Variants in DLG2 observed in about 807,000 individuals in gnomAD.
DLG2 encodes the protein disks large homolog 2.
In DLG2, 45 loss-of-function variants were observed where a neutral mutation model predicts 132.5. That is an observed-to-expected ratio of 0.34 (90% CI 0.27 to 0.44). The LOEUF (loss-of-function observed/expected upper bound fraction) is 0.44, where lower values mean the gene tolerates loss of function less well. DLG2 is among the 20% of genes least tolerant of loss of function. The pLI, the probability that DLG2 is intolerant of heterozygous loss-of-function variation, is 1.00. For missense variants in DLG2, 1,045 were observed against 1,196.9 expected (o/e 0.87, Z 1.87); for synonymous variants, 424 against 419.6 (o/e 1.01, Z -0.13).
chr11:84,202,814 A>G (rs1265166923), intron 8 of DLG2, among the ~76,000 whole-genome samples: 4 of 152,202 alleles, frequency 2.6e-5, no homozygotes, highest in Admixed American at 6.5e-5. Flanking sequence ...ACAAGAACAG[A>G]CACTTCTCAA....
chr11:85,405,307 C>T (rs2088617702), intron 3 of DLG2, among the ~76,000 whole-genome samples: 2 of 151,896 alleles, frequency 1.3e-5, no homozygotes, highest in Non-Finnish European at 2.9e-5. Context: ...GAATAAGCAA[C>T]TAATAAACAA....
chr11:85,595,988 C>G (rs1029226117), intron 3 of DLG2, among the ~76,000 whole-genome samples: 4 of 152,062 alleles, frequency 2.6e-5, no homozygotes, highest in Non-Finnish European at 1.5e-5. Context: ...GGCAGTGGCT[C>G]AAGCCTATAA....
chr11:85,256,493 A>C (rs1453057598), intron 4 of DLG2, among the ~76,000 whole-genome samples: 2 of 152,202 alleles, frequency 1.3e-5, no homozygotes, highest in Non-Finnish European at 2.9e-5. Context: ...TGAGCTGGTT[A>C]ACACTTAAGC....
At position 85,157,957 on chromosome 11, in the gene DLG2, C is replaced by T. The variant is rs180870556; in HGVS notation, c.187-3306G>A. Reference sequence around the variant, plus strand: ...GTTGTCTGAGGAGATAAACCCCGCACTGCCTGAGAAAACAGTGACACCCTC... The same window carrying T: ...GTTGTCTGAGGAGATAAACCCCGCATTGCCTGAGAAAACAGTGACACCCTC... On this transcript the variant is annotated intron_variant, in intron 4 of 27. Transcript: ENST00000376104. Among the ~76,000 whole-genome samples the T allele has an allele frequency of 1.3e-4, 20 of 151,068 alleles. No homozygotes were observed. In the East Asian group the frequency reaches 3.5e-3, roughly 27 times the overall value.
At chr11:85,294,641 G>T (rs2079109515) in intron 3 of DLG2, among the ~76,000 whole-genome samples, 1 of 152,050 alleles carries the variant, frequency 6.6e-6, no homozygotes, top group African/African-American at 2.4e-5. Flanking sequence ...CATAGTAAAT[G>T]GTAGCTATGA....
At chr11:84,888,544 T>C (rs929810502) in intron 6 of DLG2, among the ~76,000 whole-genome samples, 1 of 152,148 alleles carries the variant, frequency 6.6e-6, no homozygotes, top group African/African-American at 2.4e-5. Flanking sequence ...CATAATCATG[T>C]GAGCCAATTC....
At chr11:84,918,327 T>C (rs1024398618) in intron 6 of DLG2, among the ~76,000 whole-genome samples, 8 of 134,240 alleles carry the variant, frequency 6.0e-5, no homozygotes, top group Non-Finnish European at 1.0e-4. Context: ...TTGCCATAAA[T>C]GATGGAGAAA....
chr11:85,025,748 TCTTA>T (rs1261635501), intron 6 of DLG2, among the ~76,000 whole-genome samples: 2 of 152,160 alleles, frequency 1.3e-5, no homozygotes, highest in Non-Finnish European at 1.5e-5. Flanking sequence ...AAATATTAAA[TCTTA>T]CTTAAACACT....
intron 3 of DLG2, among the ~76,000 whole-genome samples, chr11:85,408,896 C>G (rs2089047792): frequency 1.3e-5 from 2 of 151,922 alleles, no homozygotes; most frequent in Non-Finnish European, 2.9e-5. Flanking sequence ...ATTTATAGTC[C>G]TTTGGGTATA....
At chr11:84,113,038 G>A (rs932662373) in intron 9 of DLG2, among the ~76,000 whole-genome samples, 2 of 152,290 alleles carry the variant, frequency 1.3e-5, no homozygotes, top group African/African-American at 4.8e-5. Context: ...GTTCACCTGT[G>A]TGCTGATGGT....
chr11:84,669,162 T>C (rs1208449777), intron 6 of DLG2, among the ~76,000 whole-genome samples: 4 of 151,800 alleles, frequency 2.6e-5, no homozygotes, highest in Non-Finnish European at 4.4e-5. Context: ...TGCTTGGTGG[T>C]TGGGGGGAAT....
At chr11:84,224,023 G>A (rs1169806749) in intron 8 of DLG2, among the ~76,000 whole-genome samples, 2 of 152,186 alleles carry the variant, frequency 1.3e-5, no homozygotes, top group Non-Finnish European at 2.9e-5. Context: ...GTTTATGGCA[G>A]AAAGACGTAG....
chr11:84,473,518 G>T (rs2099113923), intron 7 of DLG2, among the ~76,000 whole-genome samples: 1 of 151,876 alleles, frequency 6.6e-6, no homozygotes, highest in South Asian at 2.1e-4. Flanking sequence ...TACAATAAAT[G>T]GGTATTGCAT....
chr11:84,881,106 A>G (rs930365836), intron 6 of DLG2, among the ~76,000 whole-genome samples: 17 of 152,124 alleles, frequency 1.1e-4, no homozygotes, highest in African/African-American at 4.1e-4. Context: ...TTTTCAAACT[A>G]ACCTACCAGT....
At chr11:85,219,011 G>T (rs1397800287) in intron 4 of DLG2, among the ~76,000 whole-genome samples, 2 of 152,032 alleles carry the variant, frequency 1.3e-5, no homozygotes, top group Admixed American at 1.3e-4. Flanking sequence ...ACTTATAGGG[G>T]GAAGCTAAAC....
intron 17 of DLG2, among the ~76,000 whole-genome samples, chr11:83,801,076 C>A (rs2044248397): frequency 6.6e-6 from 1 of 152,162 alleles, no homozygotes; most frequent in Non-Finnish European, 1.5e-5. Context: ...TTCTCATTTT[C>A]AGCAAACAGT....
chr11:85,031,342 G>A (rs1269426635), intron 6 of DLG2, among the ~76,000 whole-genome samples: 1 of 152,012 alleles, frequency 6.6e-6, no homozygotes, highest in African/African-American at 2.4e-5. Flanking sequence ...TTTCTAAGCA[G>A]TGTACAGCTG....
chr11:84,117,567 G>A (rs1332201169), intron 9 of DLG2, among the ~76,000 whole-genome samples: 2 of 152,064 alleles, frequency 1.3e-5, no homozygotes, highest in East Asian at 3.9e-4. Context: ...CGTGGTTTAA[G>A]CATCATCTGC....
At chr11:85,412,796 T>C (rs2089465415) in intron 3 of DLG2, among the ~76,000 whole-genome samples, 1 of 149,174 alleles carries the variant, frequency 6.7e-6, no homozygotes, top group African/African-American at 2.5e-5. Flanking sequence ...TCACAGTTTC[T>C]TAATCCACTC....
Sources: allele counts gnomAD v4.1 joint callset (sites outside exome capture counted in the v4.1 genomes callset), GRCh38; gene constraint gnomAD v4.1.1; transcripts MANE v1.5; gene names NCBI Gene and HGNC (gene_info 2026-07-23, HGNC 2026-07-21).